Variants in TSHZ1 observed in about 807,000 individuals in gnomAD.
The protein encoded by TSHZ1 is teashirt homolog 1.
In TSHZ1, 12 loss-of-function variants were observed where a neutral mutation model predicts 67.1. The ratio of observed to expected loss-of-function variants is 0.18; its 90% CI spans 0.11 to 0.29. The LOEUF (loss-of-function observed/expected upper bound fraction) is 0.29, where lower values mean the gene tolerates loss of function less well. Among genes scored for constraint, TSHZ1 ranks in the 10% least tolerant of loss-of-function variants. The pLI, the probability that TSHZ1 is intolerant of heterozygous loss-of-function variation, is 1.00. For missense variants in TSHZ1, 1,305 were observed against 1,413.9 expected, an observed-to-expected ratio of 0.92 and a Z score of 1.23; for synonymous variants, 632 against 622.4, an observed-to-expected ratio of 1.02 and a Z score of -0.23.
chr18:75,285,300 A>G (rs2023737142), intron 1 of TSHZ1, 148 bp from the exon 2 acceptor site: 2 of 939,464 alleles, frequency 2.1e-6, no homozygotes, highest in South Asian at 2.6e-5. Flanking sequence ...TAACTCCTGC[A>G]AAGGGGTAGA....
chr18:75,288,524 T>G lies in TSHZ1; in HGVS notation c.3117T>G (p.Cys1039Trp). 6.2e-6 allele frequency: 10 copies of G among 1,614,226 alleles called. No individual in the cohort carries two copies. Among genetic ancestry groups the G allele is most frequent in the Non-Finnish European group, 8.5e-6 (10 of 1,180,044 alleles). The stretch of plus-strand genomic sequence containing the variant: ...AAGACTTGGGCTCCACATTCCAATG[T>G]AAGCTCTGCAACCGGACTTTTGCGA... ...TEEDLGSTFQ[C>W]KLCNRTFASK... is the part of the protein sequence containing the mutation. Residue 1039 changes from cysteine (C) to tryptophan (W), a missense_variant, in exon 2 of 2, where the codon TGT becomes TGG. Physicochemically the swap from Cys to Trp is radical, Grantham distance 215. Around this residue, in one of 3 missense-constraint regions of TSHZ1, gnomAD observed 909 missense variants for 961.8 expected, o/e 0.95. Transcript: ENST00000580243. This position sits in a 1 kb window ranked among gnomAD's most constrained non-coding sequence, Gnocchi z 4.9.
intron 1 of TSHZ1, among the ~76,000 whole-genome samples, chr18:75,219,800 AGTT>A (rs2022822060): frequency 6.6e-6 from 1 of 152,228 alleles, no homozygotes; most frequent in Non-Finnish European, 1.5e-5. Context: ...ACGTGACACG[AGTT>A]GTATATGTGT....
intron 1 of TSHZ1, among the ~76,000 whole-genome samples, chr18:75,278,978 T>C (rs2023650919): frequency 6.6e-6 from 1 of 152,026 alleles, no homozygotes; most frequent in African/African-American, 2.4e-5. Context: ...TTGCACCCAC[T>C]AAGTCTGTGG....
intron 1 of TSHZ1, among the ~76,000 whole-genome samples, chr18:75,251,886 C>G (rs2023308886): frequency 6.6e-6 from 1 of 152,114 alleles, no homozygotes; most frequent in South Asian, 2.1e-4. Flanking sequence ...ACTTGCAGTC[C>G]CCACCTTCTG....
At chr18:75,224,436 G>C (rs780178816) in intron 1 of TSHZ1, among the ~76,000 whole-genome samples, 1 of 152,140 alleles carries the variant, frequency 6.6e-6, no homozygotes, top group African/African-American at 2.4e-5. Flanking sequence ...AGGTCATAAA[G>C]TAAAAGTATA....
chr18:75,254,730 T>C (rs965988143), intron 1 of TSHZ1, among the ~76,000 whole-genome samples: 11 of 152,210 alleles, frequency 7.2e-5, no homozygotes, highest in Admixed American at 3.3e-4. Flanking sequence ...GTGGGCCTTT[T>C]CTTAGAAATG....
chr18:75,282,237 G>A (rs1213557425), intron 1 of TSHZ1, among the ~76,000 whole-genome samples: 2 of 152,194 alleles, frequency 1.3e-5, no homozygotes, highest in African/African-American at 4.8e-5. Flanking sequence ...TGTGCCTGCT[G>A]GGAGCATGAG....
At chr18:75,244,304 A>C (rs920566903) in intron 1 of TSHZ1, among the ~76,000 whole-genome samples, 1 of 152,186 alleles carries the variant, frequency 6.6e-6, no homozygotes, top group African/African-American at 2.4e-5. Context: ...GTTGTTATTC[A>C]CACCGTAAAG....
chr18:75,246,403 G>GGGGTGTGT (rs1555727131), intron 1 of TSHZ1, among the ~76,000 whole-genome samples: 1 of 108,372 alleles, frequency 9.2e-6, no homozygotes, highest in African/African-American at 3.5e-5. Flanking sequence ...TTTGGTTTCT[G>GGGGTGTGT]GTGTGTGTGT....
At chr18:75,221,977 A>T (rs754272703) in intron 1 of TSHZ1, among the ~76,000 whole-genome samples, 1 of 152,212 alleles carries the variant, frequency 6.6e-6, no homozygotes, top group African/African-American at 2.4e-5. Context: ...GGAAGCTGCT[A>T]TAACTCTAGA....
rs1431769020 is a variant in TSHZ1 at position 75,289,341 on chromosome 18, C to A, written c.*700C>A. 1 of 166,616 alleles carries A rather than the reference C, an allele frequency of 6.0e-6. No homozygotes were observed. Among genetic ancestry groups the A allele is most frequent in the African/African-American group, 2.4e-5 (1 of 41,374 alleles). 10.3% of individuals were successfully genotyped at this position (166,616 alleles called of 1,614,324 possible). A position where few individuals can be genotyped will look rare whatever the true frequency, so the allele number is the denominator to read the frequency against. On this transcript the variant is annotated 3_prime_UTR_variant, in exon 2 of 2. Transcript: ENST00000580243. Reference sequence around the variant, plus strand: ...CAAACCCTCTGGATGCTGAAAAATGCCACTTTCGGCAAAAAAAAAAGTATG... The same window carrying A: ...CAAACCCTCTGGATGCTGAAAAATGACACTTTCGGCAAAAAAAAAAGTATG...
intron 1 of TSHZ1, among the ~76,000 whole-genome samples, chr18:75,241,478 G>T (rs1599035626): frequency 6.6e-6 from 1 of 152,282 alleles, no homozygotes; most frequent in Non-Finnish European, 1.5e-5. Flanking sequence ...CGGGCCGGGG[G>T]TTGGCGGGAT....
At chr18:75,270,378 T>C (rs1401319899) in intron 1 of TSHZ1, among the ~76,000 whole-genome samples, 1 of 152,248 alleles carries the variant, frequency 6.6e-6, no homozygotes, top group Non-Finnish European at 1.5e-5. Flanking sequence ...TCAACAGATA[T>C]TAACTTGTTA....
At position 75,247,333 on chromosome 18, in the gene TSHZ1, G is replaced by A. The variant is rs192400757; in HGVS notation, c.40+35417G>A. 5.3e-3 allele frequency among the ~76,000 whole-genome samples: 803 copies of A among 152,284 alleles called. 10 individuals carry two copies. The highest frequency in any genetic ancestry group is 0.019 in the African/African-American group (778 of 41,552). On this transcript the variant is annotated intron_variant, in intron 1 of 1. Transcript: ENST00000580243. ...GGGCCACACTGCTCCTGCCAGGGGG[G>A]GCTGTGCCTCTTCTCTCAGTGAGTG...
intron 1 of TSHZ1, among the ~76,000 whole-genome samples, chr18:75,254,128 A>G (rs2083693417): frequency 6.6e-6 from 1 of 152,218 alleles, no homozygotes; most frequent in South Asian, 2.1e-4. Context: ...TGGTTTTAAA[A>G]ATGAAAATTA....
At chr18:75,264,166 T>C (rs1424193871) in intron 1 of TSHZ1, among the ~76,000 whole-genome samples, 1 of 152,240 alleles carries the variant, frequency 6.6e-6, no homozygotes, top group African/African-American at 2.4e-5. Context: ...ATCAGAAGTA[T>C]GTGTTAAAAA....
At chr18:75,238,574 C>T (rs1374428739) in intron 1 of TSHZ1, among the ~76,000 whole-genome samples, 1 of 151,584 alleles carries the variant, frequency 6.6e-6, no homozygotes, top group Non-Finnish European at 1.5e-5. Context: ...CCCCGAAGAG[C>T]CCCTCAGTAA....
Position 75,286,707 on chromosome 18 carries a change from CA to C in TSHZ1, c.1301del (p.His434ProfsTer2). ...CGACACGCTGCAGCAGCTCACCGCC[CA>C]CATGATGGTCACCGGGCACTTCCTG... ...SHDTLQQLTA[H>X]MMVTGHFLKV... is the part of the protein sequence containing the mutation. On this transcript the variant is annotated frameshift_variant, in exon 2 of 2. Coordinates refer to ENST00000580243, the MANE Select transcript of TSHZ1 (RefSeq NM_001308210.2). LOFTEE classifies it high-confidence loss of function. The surrounding 1 kb of genome is among the most constrained non-coding windows in gnomAD (Gnocchi z 5.1). 1 of 1,614,040 alleles carries C rather than the reference CA, an allele frequency of 6.2e-7. No individual in the cohort carries two copies. The highest frequency in any genetic ancestry group is 8.5e-7 in the Non-Finnish European group (1 of 1,180,042).
chr18:75,243,139 G>A (rs1483401174), intron 1 of TSHZ1, among the ~76,000 whole-genome samples: 1 of 152,186 alleles, frequency 6.6e-6, no homozygotes, highest in Non-Finnish European at 1.5e-5. Flanking sequence ...GGGGTTCTGA[G>A]GCCAGTCAGG....
Sources: allele counts gnomAD v4.1 joint callset (sites outside exome capture counted in the v4.1 genomes callset), GRCh38; gene constraint gnomAD v4.1.1; regional missense constraint gnomAD v4.1.1; non-coding constraint Gnocchi (gnomAD v3.1); transcripts MANE v1.5; gene names NCBI Gene and HGNC (gene_info 2026-07-23, HGNC 2026-07-21).